TCEANC: variants seen among roughly 807,000 people sequenced by gnomAD.
TCEANC encodes the protein transcription elongation factor A N-terminal and central domain-containing protein.
Under a neutral mutation model 8.7 loss-of-function variants are expected in TCEANC, and 8 were observed. The observed-to-expected ratio is 0.92, with a 90% CI of 0.54 to 1.65. The LOEUF (loss-of-function observed/expected upper bound fraction) is 1.65. Ranked by LOEUF, TCEANC falls within the 40% of genes most tolerant of loss-of-function variation. The pLI is 0.00. For missense variants in TCEANC, 255 were observed against 251.9 expected, an observed-to-expected ratio of 1.01 and a Z score of -0.08; for synonymous variants, 78 against 92.9, an observed-to-expected ratio of 0.84 and a Z score of 0.92.
upstream of TCEANC, among the ~76,000 whole-genome samples, chrX:13,654,076 C>T (rs2045904834): frequency 8.9e-6 from 1 of 112,394 alleles, no homozygotes; most frequent in African/African-American, 3.2e-5. Context: ...AAGTGTAAGA[C>T]ACAGTGAATT....
chrX:13,658,294 T>C (rs1009353503), intron 1 of TCEANC, among the ~76,000 whole-genome samples: 64 of 112,123 alleles, frequency 5.7e-4, no homozygotes, highest in African/African-American at 2.0e-3. Context: ...CACTGAATTA[T>C]ACACTTTAGG....
chrX:13,660,619 C>A (rs149443393), intron 1 of TCEANC, among the ~76,000 whole-genome samples: 1 of 112,651 alleles, frequency 8.9e-6, no homozygotes, highest in Non-Finnish European at 1.9e-5. Context: ...CATGTTGTAA[C>A]TGTATCAATA....
exon 2 of TCEANC, chrX:13,665,385 C>T (rs2046007926): frequency 1.6e-5 from 2 of 123,107 alleles, no homozygotes; most frequent in African/African-American, 6.5e-5. Flanking sequence ...AATGTTCAGA[C>T]AAATAAAAGT....
At chrX:13,663,622 C>G (rs1255627486) in exon 2 of TCEANC, 3 of 991,067 alleles carry the variant, frequency 3.0e-6, no homozygotes, top group Admixed American at 4.2e-5. Context: ...TTTGTACAAC[C>G]CTTTTGTGCT....
intron 1 of TCEANC, among the ~76,000 whole-genome samples, chrX:13,657,738 G>T (rs1772171629): frequency 9.3e-6 from 1 of 107,411 alleles, no homozygotes; most frequent in Admixed American, 1.0e-4. Context: ...AACCCAGGAG[G>T]TGTAGATTGC....
upstream of TCEANC, among the ~76,000 whole-genome samples, chrX:13,654,872 GATTT>G (rs1263988101): frequency 1.8e-5 from 2 of 110,781 alleles, no homozygotes; most frequent in African/African-American, 6.6e-5. Context: ...TTTTTAACAA[GATTT>G]ATTTGAACTA....
At chrX:13,663,686 T>G in exon 2 of TCEANC, 1 of 704,750 alleles carries the variant, frequency 1.4e-6, no homozygotes, top group Non-Finnish European at 2.0e-6. Flanking sequence ...GGAAAGAAAG[T>G]CGTTAGCTGA....
At chrX:13,657,012 C>G (rs1373715445) in intron 1 of TCEANC, among the ~76,000 whole-genome samples, 1 of 111,762 alleles carries the variant, frequency 8.9e-6, no homozygotes, top group African/African-American at 3.3e-5. Context: ...GAAAAGAGTG[C>G]TGGACATAAG....
chrX:13,662,460 C>T (rs755314919), intron 1 of TCEANC, 41 bp from the exon 5 acceptor site: 55 of 1,136,951 alleles, frequency 4.8e-5, no homozygotes, highest in Admixed American at 8.4e-5. Context: ...CGACTAGCAA[C>T]GGCAAACTTA....
chrX:13,659,323 G>A (rs1036574699), intron 1 of TCEANC, among the ~76,000 whole-genome samples: 8 of 112,122 alleles, frequency 7.1e-5, no homozygotes, highest in Admixed American at 9.5e-5. Flanking sequence ...GGCCTACAGC[G>A]CCCAAAAGGA....
At chrX:13,662,765 C>G (rs1569218021) in exon 2 of TCEANC, 2 of 1,209,548 alleles carry the variant, frequency 1.7e-6, no homozygotes, top group South Asian at 1.8e-5. Flanking sequence ...CACTCCAAAG[C>G]GAGGAACAGC....
At chrX:13,653,571 G>A (rs1378032894), upstream of TCEANC, among the ~76,000 whole-genome samples, 2 of 111,849 alleles carry the variant, frequency 1.8e-5, no homozygotes, top group Admixed American at 9.4e-5. Context: ...AGTGCTGAGT[G>A]GCTGTTCAGT....
chrX:13,658,839 T>G (rs1164372814), intron 1 of TCEANC, among the ~76,000 whole-genome samples: 1 of 112,273 alleles, frequency 8.9e-6, no homozygotes, highest in Non-Finnish European at 1.9e-5. Context: ...GGAGCTGGAA[T>G]GTAGAAAACC....
At chrX:13,662,755 C>G in exon 2 of TCEANC, 1 of 1,211,358 alleles carries the variant, frequency 8.3e-7, no homozygotes, top group East Asian at 3.0e-5. Context: ...TAAGCAGACT[C>G]ACTCCAAAGC....
intron 1 of TCEANC, among the ~76,000 whole-genome samples, chrX:13,656,223 G>A (rs760804000): frequency 8.9e-6 from 1 of 112,344 alleles, no homozygotes; most frequent in Admixed American, 9.4e-5. Flanking sequence ...TAACTGGCCA[G>A]TTTCTTGTCA....
chrX:13,656,727 C>A (rs6654051), intron 1 of TCEANC, among the ~76,000 whole-genome samples: 2,750 of 112,678 alleles, frequency 0.024, 84 homozygotes, highest in African/African-American at 0.083. Context: ...AATGGATAAA[C>A]AAAATGTGTT....
chrX:13,660,755 A>G (rs2045960569), intron 1 of TCEANC, among the ~76,000 whole-genome samples: 1 of 112,859 alleles, frequency 8.9e-6, no homozygotes, highest in African/African-American at 3.2e-5. Context: ...TAATACTGCT[A>G]TGAACATTTG....
exon 2 of TCEANC, chrX:13,664,111 C>CA (rs2045995858): frequency 8.1e-6 from 1 of 123,369 alleles, no homozygotes; most frequent in Non-Finnish European, 1.9e-5. Flanking sequence ...AAGATGCAGT[C>CA]AGAGTTGAGA....
intron 1 of TCEANC, among the ~76,000 whole-genome samples, 104 bp from the exon 4 acceptor site, chrX:13,660,927 C>G (rs1359209268): frequency 1.8e-5 from 2 of 111,914 alleles, no homozygotes; most frequent in Non-Finnish European, 3.8e-5. Flanking sequence ...TCACTGCAAA[C>G]TCCGCCTTCC....
Sources: allele counts gnomAD v4.1 joint callset (sites outside exome capture counted in the v4.1 genomes callset), GRCh38; gene constraint gnomAD v4.1.1; transcripts MANE v1.5; gene names NCBI Gene and HGNC (gene_info 2026-07-23, HGNC 2026-07-21).